RADX: variants seen among roughly 807,000 people sequenced by gnomAD.
The protein encoded by RADX is RPA-related protein RADX.
RADX carries 36 observed loss-of-function variants against 61.6 expected under a neutral mutation model. The observed-to-expected ratio is 0.58, with a 90% CI of 0.45 to 0.77. The LOEUF is 0.77. RADX is among the 30% of genes least tolerant of loss of function. The pLI, the probability that RADX is intolerant of heterozygous loss-of-function variation, is 0.00. For synonymous variants in RADX, 272 were observed against 237.9 expected (o/e 1.14, Z -1.32); for missense variants, 497 against 651.1 (o/e 0.76, Z 2.58).
chrX:106,657,824 A>G (rs1481936572), intron 11 of RADX, among the ~76,000 whole-genome samples: 4 of 111,219 alleles, frequency 3.6e-5, no homozygotes, highest in Non-Finnish European at 5.7e-5. Flanking sequence ...GAGATCAGTA[A>G]TCACAGGTCA....
intron 1 of RADX, among the ~76,000 whole-genome samples, chrX:106,620,978 C>G (rs997816566): frequency 2.7e-5 from 3 of 111,806 alleles, no homozygotes; most frequent in African/African-American, 9.8e-5. Flanking sequence ...CTGATTACAG[C>G]TAACTCTCTG....
rs184411612 is a variant in RADX, at chrX:106,617,635, T to G, written c.643+4912T>G. 3.6e-3 allele frequency among the ~76,000 whole-genome samples: 407 copies of G among 112,165 alleles called. 1 individual carries two copies. Among genetic ancestry groups the G allele is most frequent in the African/African-American group, 0.012 (385 of 30,833 alleles). On this transcript the variant is annotated intron_variant, in intron 1 of 13. Transcript: ENST00000372548. ...TATGGAATTTGCCTCTTTGTACCTT[T>G]TGCCTTGAATTCTATTTTCCCTAAT...
chrX:106,661,988 G>C (rs1472563181), intron 11 of RADX, 27 bp from the exon 12 acceptor site: 14 of 1,178,431 alleles, frequency 1.2e-5, no homozygotes, highest in Non-Finnish European at 1.6e-5. Context: ...TAGATCAATT[G>C]TGTCTATCTC....
At chrX:106,632,800 A>G (rs1927266199) in intron 4 of RADX, 67 bp downstream of exon 4, 1 of 948,064 alleles carries the variant, frequency 1.1e-6, no homozygotes, top group Admixed American at 2.5e-5. Flanking sequence ...AAAACAATGC[A>G]TTATAATTTG....
chrX:106,621,597 G>C (rs887868806), intron 1 of RADX, among the ~76,000 whole-genome samples: 5 of 111,967 alleles, frequency 4.5e-5, no homozygotes, highest in Non-Finnish European at 9.4e-5. Flanking sequence ...GAACTTGCCA[G>C]CAAGCTTGCA....
chrX:106,659,653 T>C (rs1438099121), intron 11 of RADX, among the ~76,000 whole-genome samples: 1 of 111,669 alleles, frequency 9.0e-6, no homozygotes, highest in Non-Finnish European at 1.9e-5. Flanking sequence ...ATATTTTGTC[T>C]CTTTCCTATT....
At chrX:106,667,850 A>G (rs776027962) in intron 12 of RADX, among the ~76,000 whole-genome samples, 19 of 111,632 alleles carry the variant, frequency 1.7e-4, no homozygotes, top group Admixed American at 3.8e-4. Flanking sequence ...GGTAAATTTA[A>G]TGCAGTGTTT....
intron 1 of RADX, among the ~76,000 whole-genome samples, chrX:106,613,847 C>A (rs1926736885): frequency 8.9e-6 from 1 of 112,120 alleles, no homozygotes; most frequent in African/African-American, 3.2e-5. Flanking sequence ...CATTACTACT[C>A]TAAATGTTGA....
intron 11 of RADX, 66 bp downstream of exon 11, chrX:106,648,452 A>AT: frequency 1.4e-6 from 1 of 738,600 alleles, no homozygotes; most frequent in Non-Finnish European, 2.1e-6. Flanking sequence ...GAAGATTACT[A>AT]TTTAATTACT....
intron 12 of RADX, 33 bp from the exon 13 acceptor site, chrX:106,669,130 A>G (rs1387265056): frequency 1.7e-6 from 2 of 1,156,486 alleles, no homozygotes; most frequent in African/African-American, 3.6e-5. Context: ...TAACCCACTG[A>G]ACTTTTAATA....
chrX:106,678,438 T>C lies in RADX; in HGVS notation c.*180T>C. Reference sequence around the variant, plus strand: ...GCTTTTTAAAACACTTCATTTCAGATTCATTATTGAAAAAGGTCATCAAAA... The same window carrying C: ...GCTTTTTAAAACACTTCATTTCAGACTCATTATTGAAAAAGGTCATCAAAA... On this transcript the variant is annotated 3_prime_UTR_variant, in exon 14 of 14. Transcript: ENST00000372548. The C allele has an allele frequency of 3.1e-6, 1 of 326,465 alleles. No homozygotes were observed. 26.9% of individuals were successfully genotyped at this position (326,465 alleles called of 1,213,427 possible). A position where few individuals can be genotyped will look rare whatever the true frequency, so the allele number is the denominator to read the frequency against.
intron 6 of RADX, among the ~76,000 whole-genome samples, chrX:106,633,682 G>A (rs971215178): frequency 3.6e-5 from 4 of 111,757 alleles, no homozygotes; most frequent in African/African-American, 6.5e-5. Context: ...TAATAACAAT[G>A]GTAAGTATGG....
intron 13 of RADX, among the ~76,000 whole-genome samples, chrX:106,670,179 A>G (rs1449732358): frequency 2.9e-5 from 3 of 103,267 alleles, no homozygotes; most frequent in African/African-American, 1.3e-4. Context: ...TTTATAAGAG[A>G]TGATTTTTTT....
chrX:106,659,926 T>G (rs373324681), intron 11 of RADX, among the ~76,000 whole-genome samples: 42 of 112,143 alleles, frequency 3.7e-4, no homozygotes, highest in African/African-American at 1.4e-3. Context: ...AACAGATCAA[T>G]CATATAATTG....
intron 2 of RADX, among the ~76,000 whole-genome samples, chrX:106,623,473 C>T (rs1465253193): frequency 9.0e-6 from 1 of 111,670 alleles, no homozygotes; most frequent in Non-Finnish European, 1.9e-5. Context: ...GAAAGTTATA[C>T]ATGCTTATTG....
At chrX:106,628,555 T>C (rs1927128012) in intron 3 of RADX, among the ~76,000 whole-genome samples, 1 of 111,325 alleles carries the variant, frequency 9.0e-6, no homozygotes, top group African/African-American at 3.3e-5. Context: ...TTCTAGGTGT[T>C]CATGTTGGAA....
At chrX:106,667,781 G>A (rs1486059339) in intron 12 of RADX, among the ~76,000 whole-genome samples, 1 of 111,940 alleles carries the variant, frequency 8.9e-6, no homozygotes, top group East Asian at 2.8e-4. Flanking sequence ...TCCAAATTCT[G>A]ATAGTTTCTC....
chrX:106,642,194 A>T (rs1927530353), intron 10 of RADX, among the ~76,000 whole-genome samples: 2 of 111,285 alleles, frequency 1.8e-5, no homozygotes, highest in African/African-American at 6.5e-5. Flanking sequence ...ACAATGTGAA[A>T]TAAGAATGTC....
chrX:106,622,829 G>A (rs745827033), intron 2 of RADX, 36 bp downstream of exon 2: 2 of 906,159 alleles, frequency 2.2e-6, no homozygotes, highest in South Asian at 2.6e-5. Context: ...TAATTTAAAA[G>A]TTATAAATTA....
Sources: allele counts gnomAD v4.1 joint callset (sites outside exome capture counted in the v4.1 genomes callset), GRCh38; gene constraint gnomAD v4.1.1; transcripts MANE v1.5; gene names NCBI Gene and HGNC (gene_info 2026-07-23, HGNC 2026-07-21).